Variants in L3MBTL3 observed in about 807,000 individuals in gnomAD.
L3MBTL3 encodes the protein lethal(3)malignant brain tumor-like protein 3.
Under a neutral mutation model 102.3 loss-of-function variants are expected in L3MBTL3, and 27 were observed. The observed-to-expected ratio is 0.26, with a 90% CI of 0.19 to 0.36. The LOEUF (loss-of-function observed/expected upper bound fraction) is 0.36, where lower values mean the gene tolerates loss of function less well. Ranked by LOEUF, L3MBTL3 falls within the 10% of genes least tolerant of loss-of-function variation. The probability of loss-of-function intolerance (pLI) is 1.00; values close to 1 mark genes in which losing one functional copy is unlikely to be tolerated. For synonymous variants in L3MBTL3, 340 were observed against 320.9 expected (o/e 1.06, Z -0.64); for missense variants, 798 against 955.3 (o/e 0.84, Z 2.17).
chr6:130,104,825 T>A (rs1283794358), intron 19 of L3MBTL3, among the ~76,000 whole-genome samples: 1 of 151,108 alleles, frequency 6.6e-6, no homozygotes, highest in African/African-American at 2.4e-5. Flanking sequence ...ATTTGCTTGG[T>A]GTTAGAGGTA....
chr6:130,087,083 T>G (rs1327796106), intron 16 of L3MBTL3, among the ~76,000 whole-genome samples: 1 of 152,208 alleles, frequency 6.6e-6, no homozygotes, highest in Non-Finnish European at 1.5e-5. Flanking sequence ...GCAGAATGAC[T>G]TCTTAGTTCT....
chr6:130,049,238 C>T (rs540340030), intron 3 of L3MBTL3, 44 bp from the exon 4 acceptor site: 2 of 1,096,550 alleles, frequency 1.8e-6, no homozygotes, highest in African/African-American at 1.6e-5. Context: ...AATGACTTTC[C>T]TGAGCACTTT....
chr6:130,030,258 A>T (rs997868417), intron 2 of L3MBTL3, among the ~76,000 whole-genome samples: 9 of 151,980 alleles, frequency 5.9e-5, no homozygotes, highest in African/African-American at 2.2e-4. Flanking sequence ...AAAAGTTTTT[A>T]CACCCCTATG....
intron 19 of L3MBTL3, among the ~76,000 whole-genome samples, chr6:130,114,576 A>G (rs1034537459): frequency 6.6e-6 from 1 of 152,084 alleles, no homozygotes; most frequent in Non-Finnish European, 1.5e-5. Context: ...TACCCACCTC[A>G]TTTATTCATT....
At chr6:130,098,764 A>C (rs1410510365) in intron 18 of L3MBTL3, among the ~76,000 whole-genome samples, 1 of 151,996 alleles carries the variant, frequency 6.6e-6, no homozygotes, top group Non-Finnish European at 1.5e-5. Context: ...CGGAATCAGA[A>C]TTCAACCCAG....
chr6:130,023,266 T>G (rs1405389773), intron 2 of L3MBTL3, among the ~76,000 whole-genome samples: 1 of 152,176 alleles, frequency 6.6e-6, no homozygotes, highest in Admixed American at 6.5e-5. Flanking sequence ...GATATAAAAA[T>G]GATTAACAGG....
At chr6:130,076,569 A>G (rs1313662119) in intron 13 of L3MBTL3, among the ~76,000 whole-genome samples, 1 of 152,170 alleles carries the variant, frequency 6.6e-6, no homozygotes, top group Non-Finnish European at 1.5e-5. Flanking sequence ...CATGAAATGT[A>G]TTTCAAAAAT....
In L3MBTL3 at chr6:130,055,010, G is replaced by A. The variant is rs1781372902; in HGVS notation, c.583-161G>A. The stretch of plus-strand genomic sequence containing the variant: ...ATTTTGTAATAACCTCAGGCCAAAA[G>A]CAACAGTTTTCAGATGAACTATATT... On this transcript the variant is annotated intron_variant, in intron 7 of 22. Transcript: ENST00000361794. The A allele has an allele frequency of 8.2e-6, 5 of 609,790 alleles. No individual in the cohort carries two copies. The South Asian group carries it at 9.6e-5, about 12-fold the overall frequency. 37.8% of individuals were successfully genotyped at this position (609,790 alleles called of 1,614,324 possible).
At chr6:130,091,509 A>G (rs73780248) in intron 16 of L3MBTL3, among the ~76,000 whole-genome samples, 4,445 of 152,242 alleles carry the variant, frequency 0.029, 226 homozygotes, top group African/African-American at 0.1. Context: ...CTAGAAGACC[A>G]ACTGCCCTTT....
chr6:130,084,327 A>C (rs1783541399), intron 15 of L3MBTL3, among the ~76,000 whole-genome samples: 1 of 152,172 alleles, frequency 6.6e-6, no homozygotes, highest in South Asian at 2.1e-4. Flanking sequence ...TAGATTTCTC[A>C]TGAATTTAAC....
intron 5 of L3MBTL3, 45 bp from the exon 6 acceptor site, chr6:130,051,204 C>A (rs1781069807): frequency 2.6e-6 from 4 of 1,521,798 alleles, no homozygotes; most frequent in Non-Finnish European, 3.6e-6. Context: ...TTTAGAATGT[C>A]TTCTGTCATG....
At chr6:130,021,152 A>G (rs1331943178) in intron 1 of L3MBTL3, among the ~76,000 whole-genome samples, 1 of 152,120 alleles carries the variant, frequency 6.6e-6, no homozygotes, top group Non-Finnish European at 1.5e-5. Context: ...ACTCGAGTAG[A>G]GAGCATTTCT....
At chr6:130,088,218 A>G (rs962802234) in intron 16 of L3MBTL3, among the ~76,000 whole-genome samples, 1 of 152,196 alleles carries the variant, frequency 6.6e-6, no homozygotes, top group East Asian at 1.9e-4. Flanking sequence ...AATTACTGGA[A>G]TTAATTTCAT....
chr6:130,111,284 A>G (rs1012583560), intron 19 of L3MBTL3, among the ~76,000 whole-genome samples: 1 of 152,226 alleles, frequency 6.6e-6, no homozygotes, highest in African/African-American at 2.4e-5. Context: ...TGTAAATTGC[A>G]TATCTCAGAG....
chr6:130,093,782 G>A (rs977229909), intron 17 of L3MBTL3, among the ~76,000 whole-genome samples: 12 of 152,292 alleles, frequency 7.9e-5, no homozygotes, highest in African/African-American at 2.9e-4. Context: ...TTCCAGGAGA[G>A]CCCACACTAA....
At chr6:130,116,968 TA>T (rs1216060074) in intron 19 of L3MBTL3, among the ~76,000 whole-genome samples, 5 of 130,812 alleles carry the variant, frequency 3.8e-5, no homozygotes, top group Non-Finnish European at 9.1e-5. Context: ...TTTATTTATT[TA>T]TTTTTTTATT....
chr6:130,105,338 G>C (rs1784921082), intron 19 of L3MBTL3, among the ~76,000 whole-genome samples: 1 of 152,070 alleles, frequency 6.6e-6, no homozygotes, highest in Non-Finnish European at 1.5e-5. Flanking sequence ...AGGAGTAATG[G>C]CATTTAAACT....
intron 14 of L3MBTL3, among the ~76,000 whole-genome samples, chr6:130,081,897 C>A (rs1783381680): frequency 6.6e-6 from 1 of 152,112 alleles, no homozygotes; most frequent in Admixed American, 6.6e-5. Context: ...ATCCCTCCAG[C>A]TTCTATTAAT....
chr6:130,054,493 G>C (rs1038213152), intron 7 of L3MBTL3, among the ~76,000 whole-genome samples: 1 of 152,204 alleles, frequency 6.6e-6, no homozygotes, highest in African/African-American at 2.4e-5. Context: ...GAAGTCCGTG[G>C]ATTTGGGAAT....
Sources: gnomAD v4.1 joint callset for allele counts (sites outside exome capture counted in the v4.1 genomes callset) on GRCh38, gnomAD v4.1.1 for gene constraint, MANE v1.5 for transcripts, NCBI Gene and HGNC (gene_info 2026-07-23, HGNC 2026-07-21) for gene names.